The following FSTL5 variants were observed in gnomAD, a reference collection of about 807,000 sequenced individuals.
The protein encoded by FSTL5 is follistatin-related protein 5.
Under a neutral mutation model 89.1 loss-of-function variants are expected in FSTL5, and 62 were observed. That is an observed-to-expected ratio of 0.70 (90% CI 0.57 to 0.86). FSTL5 has a LOEUF of 0.86. Among genes scored for constraint, FSTL5 ranks in the 40% least tolerant of loss-of-function variants. The pLI is 0.00. For synonymous variants in FSTL5, 383 were observed against 346.2 expected (o/e 1.11, Z -1.18); for missense variants, 1,057 against 1,001.6 (o/e 1.06, Z -0.75).
chr4:162,061,325 A>C (rs1479804630), intron 2 of FSTL5, among the ~76,000 whole-genome samples: 6 of 152,152 alleles, frequency 3.9e-5, no homozygotes, highest in Non-Finnish European at 8.8e-5. Context: ...GAATCTAAAG[A>C]AGCTGCTTTG....
At chr4:161,653,306 G>A (rs10032100) in intron 7 of FSTL5, among the ~76,000 whole-genome samples, 1,983 of 152,204 alleles carry the variant, frequency 0.013, 33 homozygotes, top group African/African-American at 0.044. Flanking sequence ...TTTTGTCACC[G>A]TTGTCTTTGA....
chr4:161,581,915 G>T (rs1733451020), intron 8 of FSTL5, among the ~76,000 whole-genome samples: 1 of 152,170 alleles, frequency 6.6e-6, no homozygotes, highest in Non-Finnish European at 1.5e-5. Flanking sequence ...CAAACATTCT[G>T]TATCATAAGA....
intron 13 of FSTL5, among the ~76,000 whole-genome samples, chr4:161,473,424 A>AT (rs70937654): frequency 0.89 from 114,943 of 129,676 alleles, 52,597 homozygotes; most frequent in East Asian, 0.99. Flanking sequence ...GTCTCTTGTA[A>AT]TTTTTTTTTT....
chr4:161,860,981 A>G (rs1172216657), intron 4 of FSTL5, among the ~76,000 whole-genome samples: 1 of 152,204 alleles, frequency 6.6e-6, no homozygotes, highest in Non-Finnish European at 1.5e-5. Context: ...TAATACCTTT[A>G]AAAGAAAATA....
chr4:161,552,421 C>T (rs1042295697), intron 8 of FSTL5: 2 of 151,692 alleles, frequency 1.3e-5, no homozygotes, highest in African/African-American at 4.8e-5. Flanking sequence ...CATCAATCAC[C>T]TCAATAAGAG....
At chr4:161,734,930 T>G (rs901813727) in intron 6 of FSTL5, among the ~76,000 whole-genome samples, 7 of 150,056 alleles carry the variant, frequency 4.7e-5, no homozygotes, top group Non-Finnish European at 1.0e-4. Context: ...AGCAACTCTG[T>G]GAACCCCAGC....
At chr4:161,905,790 T>C (rs137883509) in intron 4 of FSTL5, among the ~76,000 whole-genome samples, 15 of 152,282 alleles carry the variant, frequency 9.9e-5, no homozygotes, top group East Asian at 3.9e-4. Context: ...GGGCTTCTGA[T>C]TCAGTATGTG....
At position 161,759,599 on chromosome 4, in the gene FSTL5, T is replaced by C. The variant is rs1209373607; in HGVS notation, c.607-68A>G. The C allele has an allele frequency of 4.0e-6, 4 of 1,003,482 alleles. No homozygotes were observed. The African/African-American group carries it at 6.8e-5, about 17-fold the overall frequency. The allele number at this position is 1,003,482 out of a possible 1,614,324, so 62.2% of individuals were successfully genotyped here. On this transcript the variant is annotated intron_variant, in intron 5 of 15. Transcript: ENST00000306100. ...AAAATTTCTATAATATAATTTATTATATGTAATAATCACATAATAGTTCAT... is the reference window on the plus strand; with the variant it reads ...AAAATTTCTATAATATAATTTATTACATGTAATAATCACATAATAGTTCAT...
intron 15 of FSTL5, among the ~76,000 whole-genome samples, chr4:161,406,572 A>T (rs1195480456): frequency 8.5e-5 from 13 of 152,122 alleles, no homozygotes; most frequent in Non-Finnish European, 2.9e-5. Context: ...TTCTTTATTA[A>T]AAAACAGTCT....
intron 2 of FSTL5, among the ~76,000 whole-genome samples, chr4:162,092,213 C>G (rs1001312927): frequency 6.6e-6 from 1 of 152,100 alleles, no homozygotes; most frequent in East Asian, 1.9e-4. Context: ...TGAAATGTAC[C>G]AGGCATCTGC....
rs1283916474 is a variant in FSTL5, at chr4:161,386,140, C to A, written c.2151G>T (p.Arg717Ser). Residue 717 changes from arginine to serine, a missense_variant, in exon 16 of 16, where the codon AGG (arginine) becomes AGT (serine). By Grantham distance (110) the Arg-to-Ser change is moderately radical. Transcript: ENST00000306100. ...VSINDVKGLV[R>S]VQYITIRGEI... is the part of the protein sequence containing the mutation. Reference sequence around the variant, plus strand: ...CTCCTCTGATGGTAATGTACTGAACCCTTACAAGACCTTTCACATCATTAA... The same window carrying A: ...CTCCTCTGATGGTAATGTACTGAACACTTACAAGACCTTTCACATCATTAA... 1.2e-6 allele frequency: 2 copies of A among 1,613,862 alleles called. No individual in the cohort carries two copies. Among genetic ancestry groups the A allele is most frequent in the Admixed American group, 3.3e-5 (2 of 59,960 alleles).
chr4:162,023,931 C>T (rs1737187893), intron 3 of FSTL5, among the ~76,000 whole-genome samples: 1 of 151,978 alleles, frequency 6.6e-6, no homozygotes, highest in Admixed American at 6.6e-5. Context: ...TTCAGTAAGT[C>T]ATTCCATAAA....
chr4:161,613,813 TA>T lies in FSTL5; in HGVS notation c.895-26239del, dbSNP rs1734742005. Among the ~76,000 whole-genome samples, 6 of 152,212 alleles carry T rather than the reference TA, an allele frequency of 3.9e-5. No homozygotes were observed. In the South Asian group the frequency reaches 1.2e-3, roughly 32 times the overall value. ...GACTAAATTTATAATTATATGAAAG[TA>T]AAAAAAGTACCTAAATCTAAAAGTC... is the stretch of plus-strand genomic sequence containing the variant. On this transcript the variant is annotated intron_variant, in intron 7 of 15. Transcript: ENST00000306100.
chr4:161,795,026 A>G (rs1423203090), intron 4 of FSTL5, among the ~76,000 whole-genome samples: 2 of 151,882 alleles, frequency 1.3e-5, no homozygotes, highest in Non-Finnish European at 2.9e-5. Flanking sequence ...ATATATTTGT[A>G]TTTTTAGTGC....
At chr4:161,694,842 C>T (rs1256602595) in intron 6 of FSTL5, among the ~76,000 whole-genome samples, 21 of 106,194 alleles carry the variant, frequency 2.0e-4, no homozygotes, top group East Asian at 3.1e-4. Context: ...TTCTAAATGC[C>T]TTTTTTTTTT....
chr4:161,897,027 G>A (rs1733180514), intron 4 of FSTL5, among the ~76,000 whole-genome samples: 1 of 151,880 alleles, frequency 6.6e-6, no homozygotes, highest in Non-Finnish European at 1.5e-5. Context: ...CCGCCTCCTG[G>A]GCGGAGAATC....
chr4:161,459,417 A>T, intron 13 of FSTL5, 98 bp from the exon 14 acceptor site: 1 of 683,952 alleles, frequency 1.5e-6, no homozygotes. Context: ...TGTCAGATTA[A>T]AAATTTAATT....
At chr4:162,048,222 G>A (rs760024016) in intron 2 of FSTL5, among the ~76,000 whole-genome samples, 1 of 151,984 alleles carries the variant, frequency 6.6e-6, no homozygotes, top group South Asian at 2.1e-4. Flanking sequence ...AGCTACTGGG[G>A]AGGCTGAGGC....
intron 4 of FSTL5, among the ~76,000 whole-genome samples, chr4:161,853,080 G>A (rs1238390265): frequency 6.6e-6 from 1 of 152,116 alleles, no homozygotes; most frequent in Non-Finnish European, 1.5e-5. Flanking sequence ...ATTTACTTGA[G>A]CAAAAATGGG....
Sources: allele counts gnomAD v4.1 joint callset (sites outside exome capture counted in the v4.1 genomes callset), GRCh38; gene constraint gnomAD v4.1.1; transcripts MANE v1.5; gene names NCBI Gene and HGNC (gene_info 2026-07-23, HGNC 2026-07-21).